The following WDR73 variants were observed in gnomAD, a reference collection of about 807,000 sequenced individuals.
WDR73 encodes WD repeat domain 73.
In WDR73, 30 loss-of-function variants were observed where a neutral mutation model predicts 38.2. That is an observed-to-expected ratio of 0.79 (90% CI 0.59 to 1.06). The LOEUF (loss-of-function observed/expected upper bound fraction) is 1.06. WDR73 is among the 50% of genes least tolerant of loss of function. WDR73 has a pLI of 0.00. For synonymous variants in WDR73, 197 were observed against 176.0 expected (o/e 1.12, Z -0.94); for missense variants, 487 against 467.0 (o/e 1.04, Z -0.40).
chr15:84,652,984 T>A (rs1485812121), intron 2 of WDR73, 182 bp from the exon 3 acceptor site: 19 of 486,156 alleles, frequency 3.9e-5, no homozygotes, highest in Non-Finnish European at 7.1e-5. Context: ...AGTGGTCCGA[T>A]CACAGCTCAC....
intron 7 of WDR73, 187 bp from the exon 8 acceptor site, chr15:84,643,910 A>C (rs992835418): frequency 2.3e-5 from 15 of 642,848 alleles, no homozygotes; most frequent in Admixed American, 3.5e-5. Context: ...CAGCCCCTAA[A>C]ATACTTTTTA....
Position 84,642,432 on chromosome 15 carries a change from G to C in WDR73, c.*1038C>G, listed in dbSNP as rs1288005481. On this transcript the variant is annotated 3_prime_UTR_variant, in exon 8 of 8. Coordinates refer to ENST00000434634, the MANE Select transcript of WDR73 (RefSeq NM_032856.5). Reference sequence around the variant, plus strand: ...ATGTAATTAGTGTTGCACATGGGAAGGGCTAATAGATGCTGACAGAGTGAA... The same window carrying C: ...ATGTAATTAGTGTTGCACATGGGAACGGCTAATAGATGCTGACAGAGTGAA... The C allele has an allele frequency of 2.0e-5, 3 of 152,090 alleles. No homozygotes were observed. Among genetic ancestry groups the C allele is most frequent in the African/African-American group, 4.8e-5 (2 of 41,378 alleles). 9.4% of individuals were successfully genotyped at this position (152,090 alleles called of 1,614,324 possible). A position where few individuals can be genotyped will look rare whatever the true frequency, so the allele number is the denominator to read the frequency against.
chr15:84,654,177 C>T lies in WDR73; in HGVS notation c.41+57G>A, dbSNP rs1372913837. 6.8e-6 allele frequency: 11 copies of T among 1,612,786 alleles called. No homozygotes were observed. In the East Asian group the frequency reaches 2.5e-4, roughly 36 times the overall value. On this transcript the variant is annotated intron_variant, in intron 1 of 7. Coordinates refer to ENST00000434634, the MANE Select transcript of WDR73 (RefSeq NM_032856.5). The stretch of plus-strand genomic sequence containing the variant: ...CCAACGTGCCTCCACCCACACCCAT[C>T]CGCCCGCCAGGCAAGCTCCAGGCCC...
chr15:84,651,313 C>CT (rs139245629), intron 3 of WDR73, among the ~76,000 whole-genome samples: 17,184 of 151,458 alleles, frequency 0.11, 1,079 homozygotes, highest in Admixed American at 0.16. Context: ...GTAGTCCCAG[C>CT]TACTTGGGAG....
At position 84,652,523 on chromosome 15, in the gene WDR73, T is replaced by C. The variant is rs116663357; in HGVS notation, c.198+191A>G. Among the ~76,000 whole-genome samples, 114 of 152,354 alleles carry C rather than the reference T, an allele frequency of 7.5e-4. 1 individual carries two copies. The highest frequency in any genetic ancestry group is 2.6e-3 in the African/African-American group (110 of 41,576). ...CTGACCTCCTCCTCTGATAGCCCTCTGTAAACCACGAGACATTCTACAGCA... is the reference window on the plus strand; with the variant it reads ...CTGACCTCCTCCTCTGATAGCCCTCCGTAAACCACGAGACATTCTACAGCA... On this transcript the variant is annotated intron_variant, in intron 3 of 7. Coordinates refer to ENST00000434634, the MANE Select transcript of WDR73 (RefSeq NM_032856.5).
At position 84,641,554 on chromosome 15, in the gene WDR73, C is replaced by T. The variant is rs1031773741; in HGVS notation, c.*1916G>A. On this transcript the variant is annotated 3_prime_UTR_variant, in exon 8 of 8. Coordinates refer to ENST00000434634, the MANE Select transcript of WDR73 (RefSeq NM_032856.5). ...TTTGAGATGGAGTCTCACCCTGTCACCCAGGCTGGAATGCAGTGGCACAAT... is the reference window on the plus strand; with the variant it reads ...TTTGAGATGGAGTCTCACCCTGTCATCCAGGCTGGAATGCAGTGGCACAAT... 4.6e-5 allele frequency: 7 copies of T among 152,320 alleles called. No homozygotes were observed. The highest frequency in any genetic ancestry group is 1.7e-4 in the African/African-American group (7 of 41,556). 9.4% of individuals were successfully genotyped at this position (152,320 alleles called of 1,614,324 possible).
At position 84,645,124 on chromosome 15, in the gene WDR73, G is replaced by A. The variant is rs758058648; in HGVS notation, c.883+347C>T. On this transcript the variant is annotated intron_variant, in intron 7 of 7. Transcript: ENST00000434634. Reference sequence around the variant, plus strand: ...TGCCACCATGCCTGGCTAATTTTTTGTATTTTTAGTAGGGACGGGGTTTCA... The same window carrying A: ...TGCCACCATGCCTGGCTAATTTTTTATATTTTTAGTAGGGACGGGGTTTCA... 28 of 1,004,928 alleles carry A rather than the reference G, an allele frequency of 2.8e-5. No homozygotes were observed. In the South Asian group the frequency reaches 6.9e-4, roughly 25 times the overall value. The allele number at this position is 1,004,928 out of a possible 1,614,324, so 62.3% of individuals were successfully genotyped here.
intron 1 of WDR73, 117 bp downstream of exon 1, chr15:84,654,117 C>G (rs2141848954): frequency 7.1e-7 from 1 of 1,400,542 alleles, no homozygotes. Flanking sequence ...TGGCGAGCCC[C>G]GAGGCCACAG....
intron 2 of WDR73, chr15:84,653,359 G>A: frequency 2.8e-6 from 1 of 354,094 alleles, no homozygotes; most frequent in Admixed American, 3.9e-5. Context: ...CAGTAGAGAC[G>A]GGGTTTCACC....
chr15:84,643,483 C>G lies in WDR73; in HGVS notation c.1124G>C (p.Cys375Ser). The G allele has an allele frequency of 6.4e-7, 1 of 1,557,628 alleles. No individual in the cohort carries two copies. ...AAGATGCTGGTGTCAGCGGGGGGCA[C>G]AAAGGTCCACCCAGTCCCACACATG... ...SLHVWDWVDLCAPR is the reference protein window; with the variant it reads ...SLHVWDWVDLSAPR Residue 375 changes from cysteine (C) to serine (S), a missense_variant, in exon 8 of 8, where the codon TGT (cysteine) becomes TCT (serine). Cys to Ser is a moderately radical substitution (Grantham distance 112). Coordinates refer to ENST00000434634, the MANE Select transcript of WDR73 (RefSeq NM_032856.5).
At chr15:84,645,440 G>A in intron 7 of WDR73, 31 bp downstream of exon 7, 1 of 1,608,856 alleles carries the variant, frequency 6.2e-7, no homozygotes, top group Non-Finnish European at 8.5e-7. Flanking sequence ...AAAGAGATCA[G>A]ATAACAAGAC....
rs1183498504 is a variant in WDR73, at chr15:84,640,891, A to G, written c.*2579T>C. ...ATGGTTTCTACCTCCCTGGGCTGTT[A>G]TGAGGATCCTGACACAGTATTAGCA... is the stretch of plus-strand genomic sequence containing the variant. On this transcript the variant is annotated 3_prime_UTR_variant, in exon 8 of 8. Coordinates refer to ENST00000434634, the MANE Select transcript of WDR73 (RefSeq NM_032856.5). 6.6e-6 allele frequency: 1 copy of G among 152,132 alleles called. No homozygotes were observed. Among genetic ancestry groups the G allele is most frequent in the African/African-American group, 2.4e-5 (1 of 41,418 alleles). 9.4% of individuals were successfully genotyped at this position (152,132 alleles called of 1,614,324 possible). A position where few individuals can be genotyped will look rare whatever the true frequency, so the allele number is the denominator to read the frequency against.
At chr15:84,650,120 T>C (rs1162558611) in intron 3 of WDR73, among the ~76,000 whole-genome samples, 1 of 152,212 alleles carries the variant, frequency 6.6e-6, no homozygotes, top group Non-Finnish European at 1.5e-5. Context: ...TCTAGCCTCT[T>C]AGCCTCTTCT....
chr15:84,645,285 G>T, intron 7 of WDR73, 186 bp downstream of exon 7: 1 of 1,497,812 alleles, frequency 6.7e-7, no homozygotes, highest in South Asian at 1.2e-5. Context: ...CCAATGTGTG[G>T]AAGTTTAGTA....
In WDR73 at chr15:84,646,168, C is replaced by G; in HGVS notation, c.517+16G>C. 1.2e-6 allele frequency: 2 copies of G among 1,613,300 alleles called. No individual in the cohort carries two copies. Among genetic ancestry groups the G allele is most frequent in the Non-Finnish European group, 1.7e-6 (2 of 1,179,846 alleles). On this transcript the variant is annotated intron_variant, in intron 6 of 7. Transcript: ENST00000434634. ...GCCGGCTGGAGCAGCAAGCAAGGGA[C>G]AAAGTACCACGGTACCTGAGGTGTA...
At chr15:84,645,252 G>A in intron 7 of WDR73, 1 of 1,442,446 alleles carries the variant, frequency 6.9e-7, no homozygotes, top group Non-Finnish European at 9.1e-7. Flanking sequence ...CTGAATTCCT[G>A]CTAGGCTAGG....
Position 84,643,493 on chromosome 15 carries a change from C to G in WDR73, c.1114G>C (p.Val372Leu). The change falls in exon 8 of 8, where the codon GTG becomes CTG. Residue 372 changes from valine (V) to leucine (L), a missense_variant. Physicochemically the swap from Val to Leu is conservative, Grantham distance 32. Transcript: ENST00000434634. Reference sequence around the variant, plus strand: ...TGTCAGCGGGGGGCACAAAGGTCCACCCAGTCCCACACATGCAGAGAGGCA... The same window carrying G: ...TGTCAGCGGGGGGCACAAAGGTCCAGCCAGTCCCACACATGCAGAGAGGCA... ...NDASLHVWDW[V>L]DLCAPR 6.4e-7 allele frequency: 1 copy of G among 1,562,396 alleles called. No homozygotes were observed. Among genetic ancestry groups the G allele is most frequent in the Non-Finnish European group, 8.7e-7 (1 of 1,152,714 alleles).
intron 6 of WDR73, 51 bp downstream of exon 6, chr15:84,646,132 TG>T (rs771353409): frequency 7.4e-6 from 12 of 1,611,114 alleles, no homozygotes; most frequent in East Asian, 2.2e-5. Flanking sequence ...TGAGTTGGGC[TG>T]GGGGGTGATG....
rs201608269 is a variant in WDR73, at chr15:84,643,679, C to A, written c.928G>T (p.Gly310Ter). 8.5e-5 allele frequency: 137 copies of A among 1,611,986 alleles called. No homozygotes were observed. Among genetic ancestry groups the A allele is most frequent in the Non-Finnish European group, 1.1e-4 (134 of 1,179,056 alleles). The change falls in exon 8 of 8, where the codon GGA becomes TGA. Residue 310 changes from glycine to a stop codon, truncating the protein, a stop_gained. Coordinates refer to ENST00000434634, the MANE Select transcript of WDR73 (RefSeq NM_032856.5). LOFTEE classifies it high-confidence loss of function. ...VQVYDATSWD[G>*]TRSQDGTRSQ... ...CGTGTTCCATCTTGGCTCCGTGTTCCATCCCAAGATGTGGCATCATAGACC... is the reference window on the plus strand; with the variant it reads ...CGTGTTCCATCTTGGCTCCGTGTTCAATCCCAAGATGTGGCATCATAGACC...
Sources: allele counts gnomAD v4.1 joint callset (sites outside exome capture counted in the v4.1 genomes callset), GRCh38; gene constraint gnomAD v4.1.1; transcripts MANE v1.5; gene names NCBI Gene and HGNC (gene_info 2026-07-23, HGNC 2026-07-21).